Variants in RAPGEF1 observed in about 807,000 individuals in gnomAD.
RAPGEF1 encodes CRK SH3-binding GNRP.
Under a neutral mutation model 143.3 loss-of-function variants are expected in RAPGEF1, and 33 were observed. That is an observed-to-expected ratio of 0.23 (90% CI 0.17 to 0.31). The LOEUF is 0.31. Ranked by LOEUF, RAPGEF1 falls within the 10% of genes least tolerant of loss-of-function variation. The pLI is 1.00. For missense variants in RAPGEF1, 1,199 were observed against 1,645.4 expected, an observed-to-expected ratio of 0.73 and a Z score of 4.69; for synonymous variants, 629 against 676.5, an observed-to-expected ratio of 0.93 and a Z score of 1.09.
intron 1 of RAPGEF1, among the ~76,000 whole-genome samples, chr9:131,656,295 T>C (rs1972468624): frequency 6.6e-6 from 1 of 152,254 alleles, no homozygotes; most frequent in Admixed American, 6.5e-5. Flanking sequence ...AATCTGGCTT[T>C]TAGCCTATTA....
At chr9:131,604,896 G>A in intron 13 of RAPGEF1, 35 bp downstream of exon 13, 1 of 1,275,216 alleles carries the variant, frequency 7.8e-7, no homozygotes, top group South Asian at 1.3e-5. Flanking sequence ...GTGTGTGTGT[G>A]TGTGTGTGTG....
chr9:131,603,565 C>T (rs1956621711), intron 14 of RAPGEF1, among the ~76,000 whole-genome samples: 1 of 152,062 alleles, frequency 6.6e-6, no homozygotes, highest in African/African-American at 2.4e-5. Context: ...GTCTGAAAGG[C>T]CCTATGGGAA....
At chr9:131,669,462 A>G (rs772087632) in intron 1 of RAPGEF1, among the ~76,000 whole-genome samples, 1 of 152,024 alleles carries the variant, frequency 6.6e-6, no homozygotes, top group Non-Finnish European at 1.5e-5. Context: ...ATCCTCACTC[A>G]TCCACCCCTT....
At chr9:131,671,383 T>C (rs1409373133) in intron 1 of RAPGEF1, among the ~76,000 whole-genome samples, 1 of 152,160 alleles carries the variant, frequency 6.6e-6, no homozygotes, top group South Asian at 2.1e-4. Context: ...AAGTCAGTTG[T>C]TGGAATCAGA....
chr9:131,731,251 A>C (rs1837054467), intron 1 of RAPGEF1, among the ~76,000 whole-genome samples: 1 of 152,230 alleles, frequency 6.6e-6, no homozygotes, highest in Admixed American at 6.5e-5. Flanking sequence ...AGCCTGGTAC[A>C]GCACGTGGTA....
At chr9:131,638,843 C>G in intron 4 of RAPGEF1, 52 bp from the exon 5 acceptor site, 1 of 1,551,960 alleles carries the variant, frequency 6.4e-7, no homozygotes. Context: ...ATGACCATCA[C>G]TTAGCACAGA....
chr9:131,650,932 G>A lies in RAPGEF1; in HGVS notation c.79C>T (p.Leu27Phe), dbSNP rs1317300327. 1.2e-6 allele frequency: 2 copies of A among 1,613,950 alleles called. No individual in the cohort carries two copies. Among genetic ancestry groups the A allele is most frequent in the Admixed American group, 3.3e-5 (2 of 60,020 alleles). Residue 27 changes from leucine to phenylalanine, a missense_variant, in exon 2 of 27, where the codon CTC (leucine) becomes TTC (phenylalanine). Physicochemically the swap from Leu to Phe is conservative, Grantham distance 22 (BLOSUM62 0). Coordinates refer to ENST00000683357, the MANE Select transcript of RAPGEF1 (RefSeq NM_001377935.1). This position sits in a 1 kb window ranked among gnomAD's most constrained non-coding sequence, Gnocchi z 4.7. ...IEKADSQRSH[L>F]SSFTMKLMDK... ...ATCAGCTTCATGGTGAAGGAAGAGA[G>A]ATGAGAACGCTGAGAGTCTGAAAAC...
intron 18 of RAPGEF1, among the ~76,000 whole-genome samples, chr9:131,590,654 TC>T (rs1370943673): frequency 6.6e-6 from 1 of 152,206 alleles, no homozygotes; most frequent in Admixed American, 6.5e-5. Context: ...TCTGACACCC[TC>T]CTGCCTGCTC....
At chr9:131,705,676 G>A (rs868552955) in intron 1 of RAPGEF1, among the ~76,000 whole-genome samples, 15 of 152,216 alleles carry the variant, frequency 9.9e-5, no homozygotes, top group Middle Eastern at 3.4e-3. Flanking sequence ...TCTTGTTTGG[G>A]GTTGGTCCTG....
intron 4 of RAPGEF1, among the ~76,000 whole-genome samples, chr9:131,642,492 T>C (rs1230081921): frequency 1.3e-5 from 2 of 152,230 alleles, no homozygotes; most frequent in Non-Finnish European, 2.9e-5. Context: ...ACCATTTGCC[T>C]GAGAACTTAA....
At chr9:131,594,608 T>C (rs1292954291) in intron 17 of RAPGEF1, among the ~76,000 whole-genome samples, 1 of 152,200 alleles carries the variant, frequency 6.6e-6, no homozygotes. Context: ...CTTGCTTTGT[T>C]ACCTGCCACA....
rs1951538613 is a variant in RAPGEF1 at position 131,579,588 on chromosome 9, T to A, written c.3701A>T (p.His1234Leu). The part of the protein sequence containing the change: ...IINFFNDFSD[H>L]LAEEALWELS... The stretch of plus-strand genomic sequence containing the variant: ...TTCCCATAGGGCCTCCTCAGCCAGG[T>A]GGTCACTGAAGTCATTGAAGAAGTT... Residue 1234 changes from histidine to leucine, a missense_variant, in exon 27 of 27, where the codon CAC becomes CTC. His to Leu is a moderately conservative substitution (Grantham distance 99, BLOSUM62 -3). Transcript: ENST00000683357. 6.2e-7 allele frequency: 1 copy of A among 1,613,884 alleles called. No individual in the cohort carries two copies. Among genetic ancestry groups the A allele is most frequent in the South Asian group, 1.1e-5 (1 of 91,094 alleles).
At position 131,584,593 on chromosome 9, in the gene RAPGEF1, G is replaced by A. The variant is rs754238627; in HGVS notation, c.3237C>T (p.Val1079=). Residue 1079 remains valine, a synonymous_variant, in exon 23 of 27, where the codon GTC becomes GTT. Coordinates refer to ENST00000683357, the MANE Select transcript of RAPGEF1 (RefSeq NM_001377935.1). This position sits in a 1 kb window ranked among gnomAD's most constrained non-coding sequence, Gnocchi z 6.8. Reference sequence around the variant, plus strand: ...TTTCCTGTAACATGATTATGGACCGGACCCTGCATGGACCAAGGGAAAAAG... The same window carrying A: ...TTTCCTGTAACATGATTATGGACCGAACCCTGCATGGACCAAGGGAAAAAG... ...TEHFNNMSYW[V]RSIIMLQEKA... 6.2e-7 allele frequency: 1 copy of A among 1,613,892 alleles called. No individual in the cohort carries two copies. Among genetic ancestry groups the A allele is most frequent in the Non-Finnish European group, 8.5e-7 (1 of 1,179,838 alleles).
At chr9:131,597,330 G>A (rs1001726085) in intron 16 of RAPGEF1, among the ~76,000 whole-genome samples, 2 of 152,202 alleles carry the variant, frequency 1.3e-5, no homozygotes, top group Non-Finnish European at 2.9e-5. Flanking sequence ...TTATGGCAAG[G>A]ATCTCTCTGC....
At chr9:131,581,777 A>C (rs1465845424) in intron 25 of RAPGEF1, among the ~76,000 whole-genome samples, 1 of 152,240 alleles carries the variant, frequency 6.6e-6, no homozygotes, top group Non-Finnish European at 1.5e-5. Flanking sequence ...TTAAGGCCAG[A>C]TGAGAAAGAC....
At chr9:131,717,440 C>T (rs567289904) in intron 1 of RAPGEF1, among the ~76,000 whole-genome samples, 2 of 152,182 alleles carry the variant, frequency 1.3e-5, no homozygotes, top group South Asian at 2.1e-4. Context: ...AAATAGCAGC[C>T]GACAGGGAGC....
chr9:131,626,448 G>C, intron 9 of RAPGEF1, 26 bp from the exon 10 acceptor site: 1 of 1,536,332 alleles, frequency 6.5e-7, no homozygotes, highest in Non-Finnish European at 8.8e-7. Context: ...GGGAAAAAGA[G>C]ACCCGTTAGC....
chr9:131,588,853 G>A lies in RAPGEF1; in HGVS notation c.3001C>T (p.Leu1001Phe). 1 of 1,613,916 alleles carries A rather than the reference G, an allele frequency of 6.2e-7. No homozygotes were observed. The change falls in exon 20 of 27, where the codon CTC becomes TTC. Residue 1001 changes from leucine to phenylalanine, a missense_variant. Around this residue, in one of 6 missense-constraint regions of RAPGEF1, gnomAD observed 209 missense variants for 403.0 expected, o/e 0.52. Transcript: ENST00000683357. Reference protein sequence around the residue: ...ILDKVDQKKLLRCATSSQPLA... With the variant: ...ILDKVDQKKLFRCATSSQPLA... The stretch of plus-strand genomic sequence containing the variant: ...GGCTGGCTGGAGGTGGCACACCTGA[G>A]TAGCTTCTTCTGGTCCACCTTGTCC...
Position 131,686,992 on chromosome 9 carries a change from G to A in RAPGEF1, c.62-36043C>T, listed in dbSNP as rs1035821587. ...GAGGTGTTGAGGTTCAAAACCACGCGAAGATAATGAAATAAAATTACCAAT... is the reference window on the plus strand; with the variant it reads ...GAGGTGTTGAGGTTCAAAACCACGCAAAGATAATGAAATAAAATTACCAAT... On this transcript the variant is annotated intron_variant, in intron 1 of 26. Coordinates refer to ENST00000683357, the MANE Select transcript of RAPGEF1 (RefSeq NM_001377935.1). Among the ~76,000 whole-genome samples, 18 of 152,232 alleles carry A rather than the reference G, an allele frequency of 1.2e-4. No homozygotes were observed. The East Asian group carries it at 1.5e-3, about 13-fold the overall frequency.
Sources: gnomAD v4.1 joint callset for allele counts (sites outside exome capture counted in the v4.1 genomes callset) on GRCh38, gnomAD v4.1.1 for gene constraint, gnomAD v4.1.1 regional missense constraint, Gnocchi (gnomAD v3.1) non-coding constraint, MANE v1.5 for transcripts, NCBI Gene and HGNC (gene_info 2026-07-23, HGNC 2026-07-21) for gene names.